The following ACSL1 variants were observed in gnomAD, a reference collection of about 807,000 sequenced individuals.
ACSL1 encodes long-chain-fatty-acid--CoA ligase 1.
Under a neutral mutation model 98.4 loss-of-function variants are expected in ACSL1, and 41 were observed. The observed-to-expected ratio is 0.42, with a 90% confidence interval of 0.32 to 0.54. ACSL1 has a LOEUF of 0.54. Among genes scored for constraint, ACSL1 ranks in the 20% least tolerant of loss-of-function variants. The pLI is 0.13. For synonymous variants in ACSL1, 316 were observed against 322.7 expected, an observed-to-expected ratio of 0.98 and a Z score of 0.22; for missense variants, 734 against 883.1, an observed-to-expected ratio of 0.83 and a Z score of 2.14.
chr4:184,773,635 G>A lies in ACSL1; in HGVS notation c.841+28C>T, dbSNP rs898645614. On this transcript the variant is annotated intron_variant, in intron 9 of 20. Transcript: ENST00000281455. This position sits in a 1 kb window ranked among gnomAD's most constrained non-coding sequence, Gnocchi z 4.3. ...GAGTCCAGACCAATGGCTGCCATAT[G>A]TAGAAGCAATTCTATCTCAAAACTC... The A allele has an allele frequency of 1.3e-6, 2 of 1,599,782 alleles. No individual in the cohort carries two copies. The highest frequency in any genetic ancestry group is 2.7e-5 in the African/African-American group (2 of 73,800).
Position 184,788,730 on chromosome 4 carries a change from C to T in ACSL1, c.197G>A (p.Gly66Asp). 1 of 1,613,852 alleles carries T rather than the reference C, an allele frequency of 6.2e-7. No individual in the cohort carries two copies. Among genetic ancestry groups the T allele is most frequent in the South Asian group, 1.1e-5 (1 of 91,058 alleles). ...TGCGGATCTTCGTGCACCACCACTACCCTATCAAAAAAGAAAGGGGGGCAG... is the reference window on the plus strand; with the variant it reads ...TGCGGATCTTCGTGCACCACCACTATCCTATCAAAAAAGAAAGGGGGGCAG... The part of the protein sequence containing the change: ...DLSMQSVEVA[G>D]SGGARRSALL... The change falls in exon 3 of 21, where the codon GGT (glycine) becomes GAT (aspartate). Residue 66 changes from glycine (G) to aspartate (D), a missense_variant and splice_region_variant. Physicochemically the swap from Gly to Asp is moderately conservative, Grantham distance 94 (BLOSUM62 -1). Coordinates refer to ENST00000281455, the MANE Select transcript of ACSL1 (RefSeq NM_001995.5).
chr4:184,759,174 G>T (rs535570401), intron 18 of ACSL1, among the ~76,000 whole-genome samples: 1 of 152,166 alleles, frequency 6.6e-6, no homozygotes, highest in Non-Finnish European at 1.5e-5. Flanking sequence ...TTGGTTCCAA[G>T]TCTTTGCTAT....
At chr4:184,777,366 G>A (rs555921741) in intron 5 of ACSL1, among the ~76,000 whole-genome samples, 235 of 152,232 alleles carry the variant, frequency 1.5e-3, no homozygotes, top group Admixed American at 2.4e-3. Context: ...GCTGAGGCGG[G>A]AGGATTGCTT....
chr4:184,782,493 T>C (rs557640540), intron 4 of ACSL1, among the ~76,000 whole-genome samples: 1 of 152,188 alleles, frequency 6.6e-6, no homozygotes, highest in Admixed American at 6.5e-5. Context: ...ACGTGTCTTC[T>C]CTCTTCCAGC....
In ACSL1 at chr4:184,811,320, G is replaced by A. The variant is rs556014185; in HGVS notation, c.-32-7774C>T. ...GTAGAGACGGGGTTTCACCGTGTTG[G>A]CCAGGATGGTCTCGATCTCCCGACT... On this transcript the variant is annotated intron_variant, in intron 1 of 20. Coordinates refer to ENST00000281455, the MANE Select transcript of ACSL1 (RefSeq NM_001995.5). Among the ~76,000 whole-genome samples the A allele has an allele frequency of 8.6e-5, 13 of 152,028 alleles. No homozygotes were observed. In the East Asian group the frequency reaches 1.5e-3, roughly 18 times the overall value.
At chr4:184,815,804 C>A (rs1418749704) in intron 1 of ACSL1, among the ~76,000 whole-genome samples, 3 of 152,060 alleles carry the variant, frequency 2.0e-5, no homozygotes, top group African/African-American at 7.2e-5. Context: ...CAGATTTCAA[C>A]AGGTACCTGC....
At position 184,766,888 on chromosome 4, in the gene ACSL1, G is replaced by A; in HGVS notation, c.1129-132C>T. Reference sequence around the variant, plus strand: ...CACAGCTGCTCTGACAGCCTGGCCGGTCCTCTAACGGCCCCACATGGTCAG... The same window carrying A: ...CACAGCTGCTCTGACAGCCTGGCCGATCCTCTAACGGCCCCACATGGTCAG... On this transcript the variant is annotated intron_variant, in intron 12 of 20. Transcript: ENST00000281455. The surrounding 1 kb of genome is among the most constrained non-coding windows in gnomAD (Gnocchi z 4.8). 1 of 1,002,182 alleles carries A rather than the reference G, an allele frequency of 1.0e-6. No individual in the cohort carries two copies. 62.1% of individuals were successfully genotyped at this position (1,002,182 alleles called of 1,614,324 possible). A position where few individuals can be genotyped will look rare whatever the true frequency, so the allele number is the denominator to read the frequency against.
At chr4:184,797,608 A>T (rs1385166555) in intron 2 of ACSL1, among the ~76,000 whole-genome samples, 2 of 152,214 alleles carry the variant, frequency 1.3e-5, no homozygotes, top group Non-Finnish European at 2.9e-5. Flanking sequence ...CGTGGCTCCC[A>T]CAGCCTGGAT....
chr4:184,805,552 C>T, intron 1 of ACSL1: 1 of 983,730 alleles, frequency 1.0e-6, no homozygotes, highest in Non-Finnish European at 1.2e-6. Context: ...CAGCTGACTA[C>T]TAGGTGACAC....
At chr4:184,771,462 T>C (rs1764500660) in intron 10 of ACSL1, among the ~76,000 whole-genome samples, 1 of 152,148 alleles carries the variant, frequency 6.6e-6, no homozygotes, top group African/African-American at 2.4e-5. Flanking sequence ...AAGCCCTACT[T>C]TACATATCAC....
At chr4:184,815,321 C>A (rs545602792) in intron 1 of ACSL1, among the ~76,000 whole-genome samples, 1 of 152,266 alleles carries the variant, frequency 6.6e-6, no homozygotes, top group Non-Finnish European at 1.5e-5. Flanking sequence ...TGGGGACTCG[C>A]AGCCGCATTG....
chr4:184,788,551 G>T, intron 3 of ACSL1, 66 bp downstream of exon 3: 1 of 1,295,294 alleles, frequency 7.7e-7, no homozygotes, highest in Non-Finnish European at 1.1e-6. Context: ...GTGCATTTCT[G>T]AAAGGCCACT....
Position 184,757,514 on chromosome 4 carries a change from C to CA in ACSL1, c.1956+120dup. ...AAACCTTTCCCCTGTCAAACTACTC[C>CA]ATTATTTATTCCTCATGTATGTCTT... On this transcript the variant is annotated intron_variant, in intron 20 of 20. Transcript: ENST00000281455. The surrounding 1 kb of genome is among the most constrained non-coding windows in gnomAD (Gnocchi z 4.5). The CA allele has an allele frequency of 9.9e-7, 1 of 1,010,674 alleles. No individual in the cohort carries two copies. The highest frequency in any genetic ancestry group is 1.5e-6 in the Non-Finnish European group (1 of 680,664). The allele number at this position is 1,010,674 out of a possible 1,614,324, so 62.6% of individuals were successfully genotyped here.
At chr4:184,821,936 T>C (rs1163553505) in intron 1 of ACSL1, among the ~76,000 whole-genome samples, 2 of 152,248 alleles carry the variant, frequency 1.3e-5, no homozygotes, top group Non-Finnish European at 2.9e-5. Context: ...GTATTTAATC[T>C]CTGGAAGAGC....
chr4:184,822,102 G>A (rs777197999), intron 1 of ACSL1, among the ~76,000 whole-genome samples: 5 of 152,190 alleles, frequency 3.3e-5, no homozygotes, highest in Non-Finnish European at 5.9e-5. Context: ...AATTCATAAA[G>A]AGAATCAGCC....
intron 6 of ACSL1, 60 bp from the exon 7 acceptor site, chr4:184,776,722 C>T: frequency 6.4e-7 from 1 of 1,556,922 alleles, no homozygotes; most frequent in South Asian, 1.2e-5. Context: ...TTCACTCTGT[C>T]ATATCCAGCA....
chr4:184,763,193 A>T lies in ACSL1; in HGVS notation c.1495T>A (p.Tyr499Asn). The stretch of plus-strand genomic sequence containing the variant: ...TCGCCCTCGCCCTCGGCAGCCATGT[A>T]ATTCATTTCTTCCACATCAACAAGT... Reference protein sequence around the residue: ...IKLVDVEEMNYMAAEGEGEVC... With the variant: ...IKLVDVEEMNNMAAEGEGEVC... The change falls in exon 16 of 21, where the codon TAC (tyrosine) becomes AAC (asparagine). Residue 499 changes from tyrosine to asparagine, a missense_variant. Physicochemically the swap from Tyr to Asn is moderately radical, Grantham distance 143. Coordinates refer to ENST00000281455, the MANE Select transcript of ACSL1 (RefSeq NM_001995.5). The T allele has an allele frequency of 6.2e-6, 10 of 1,614,042 alleles. No homozygotes were observed. Among genetic ancestry groups the T allele is most frequent in the Non-Finnish European group, 8.5e-6 (10 of 1,180,010 alleles).
intron 1 of ACSL1, among the ~76,000 whole-genome samples, chr4:184,815,932 C>G (rs1334418003): frequency 2.0e-5 from 3 of 151,968 alleles, no homozygotes; most frequent in Non-Finnish European, 4.4e-5. Flanking sequence ...CCCAGCCTGG[C>G]CAACATGGCG....
intron 7 of ACSL1, among the ~76,000 whole-genome samples, chr4:184,775,537 C>T (rs72695636): frequency 0.13 from 20,054 of 152,056 alleles, 1,564 homozygotes; most frequent in Non-Finnish European, 0.17. Context: ...AGGAAGCACC[C>T]GGGTCAGCAC....
Sources: allele counts gnomAD v4.1 joint callset (sites outside exome capture counted in the v4.1 genomes callset), GRCh38; gene constraint gnomAD v4.1.1; non-coding constraint Gnocchi (gnomAD v3.1); transcripts MANE v1.5; gene names NCBI Gene and HGNC (gene_info 2026-07-23, HGNC 2026-07-21).